MEI4: variants seen among roughly 807,000 people sequenced by gnomAD.
MEI4 encodes meiosis-specific protein MEI4.
In MEI4, 27 loss-of-function variants were observed where a neutral mutation model predicts 31.4. The ratio of observed to expected loss-of-function variants is 0.86; its 90% CI spans 0.63 to 1.19. MEI4 has a LOEUF of 1.19. Among genes scored for constraint, MEI4 ranks in the 50% most tolerant of loss-of-function variants. MEI4 has a pLI of 0.00. For synonymous variants in MEI4, 122 were observed against 145.4 expected, an observed-to-expected ratio of 0.84 and a Z score of 1.16; for missense variants, 329 against 398.9, an observed-to-expected ratio of 0.82 and a Z score of 1.49.
At chr6:77,887,363 C>A (rs1278190993) in intron 4 of MEI4, among the ~76,000 whole-genome samples, 2 of 151,838 alleles carry the variant, frequency 1.3e-5, no homozygotes, top group South Asian at 4.2e-4. Context: ...GTGGCCTGAT[C>A]TTGGCTCACT....
At chr6:77,875,310 C>T (rs1410467936) in intron 4 of MEI4, among the ~76,000 whole-genome samples, 2 of 152,204 alleles carry the variant, frequency 1.3e-5, no homozygotes, top group African/African-American at 4.8e-5. Context: ...GCACATACTA[C>T]ATCTTCTGGT....
At position 77,727,308 on chromosome 6, in the gene MEI4, G is replaced by A. The variant is rs916460476; in HGVS notation, c.233-33822G>A. ...TATGGCCTATATTATAATCTTCAGC[G>A]CTTTGGAGAAACACTATCATTTGTC... is the stretch of plus-strand genomic sequence containing the variant. On this transcript the variant is annotated intron_variant, in intron 2 of 4. Transcript: ENST00000684080. Among the ~76,000 whole-genome samples, 6 of 152,176 alleles carry A rather than the reference G, an allele frequency of 3.9e-5. 1 individual carries two copies. The highest frequency in any genetic ancestry group is 2.1e-4 in the South Asian group (1 of 4,828).
intron 4 of MEI4, among the ~76,000 whole-genome samples, chr6:77,869,809 C>G (rs1164470882): frequency 1.3e-5 from 2 of 152,028 alleles, no homozygotes; most frequent in African/African-American, 2.4e-5. Context: ...GAAGGGGAAG[C>G]AAGTGCAGAA....
chr6:77,704,924 T>C (rs933759980), intron 2 of MEI4, among the ~76,000 whole-genome samples: 2 of 152,034 alleles, frequency 1.3e-5, no homozygotes, highest in Non-Finnish European at 2.9e-5. Flanking sequence ...CACCAAAGAA[T>C]AAGTGTTTAT....
chr6:77,839,523 A>G (rs1228948806), intron 4 of MEI4, among the ~76,000 whole-genome samples: 1 of 152,160 alleles, frequency 6.6e-6, no homozygotes, highest in Non-Finnish European at 1.5e-5. Context: ...TCCAAACAAC[A>G]TAGCAGAGGC....
intron 4 of MEI4, among the ~76,000 whole-genome samples, chr6:77,918,761 T>A (rs1233397580): frequency 6.6e-6 from 1 of 151,870 alleles, no homozygotes; most frequent in East Asian, 2.0e-4. Context: ...ACCCTTTATT[T>A]CCTTCTCCTG....
At chr6:77,687,211 C>G (rs1342072312) in intron 1 of MEI4, among the ~76,000 whole-genome samples, 1 of 152,052 alleles carries the variant, frequency 6.6e-6, no homozygotes, top group Non-Finnish European at 1.5e-5. Flanking sequence ...GGAATTGATG[C>G]TGTGTTCTAA....
chr6:77,799,080 A>T (rs1267658647), intron 3 of MEI4, among the ~76,000 whole-genome samples: 1 of 152,158 alleles, frequency 6.6e-6, no homozygotes. Context: ...TGACTTCCAC[A>T]ATGGTTGAAC....
intron 2 of MEI4, among the ~76,000 whole-genome samples, chr6:77,754,696 G>A (rs764392967): frequency 7.9e-5 from 12 of 152,150 alleles, no homozygotes; most frequent in Non-Finnish European, 1.3e-4. Flanking sequence ...AAGAAATGAG[G>A]TTCTGTTGAC....
chr6:77,670,848 C>G (rs1768725186), intron 1 of MEI4, among the ~76,000 whole-genome samples: 1 of 151,988 alleles, frequency 6.6e-6, no homozygotes, highest in African/African-American at 2.4e-5. Flanking sequence ...TTTGTGGCCC[C>G]CCAACTAGAA....
rs958074301 is a variant in MEI4, at chr6:77,813,457, C to G, written c.769-15474C>G. On this transcript the variant is annotated intron_variant, in intron 3 of 4. Transcript: ENST00000684080. Reference sequence around the variant, plus strand: ...TTTCCCGTCTTCCTTTCTTCTGTCTCTTGACTGTCCCCAGATTCTAGGCCA... The same window carrying G: ...TTTCCCGTCTTCCTTTCTTCTGTCTGTTGACTGTCCCCAGATTCTAGGCCA... 9.9e-5 allele frequency among the ~76,000 whole-genome samples: 15 copies of G among 151,714 alleles called. 1 individual carries two copies.
At chr6:77,809,481 G>T (rs1240688057) in intron 3 of MEI4, among the ~76,000 whole-genome samples, 1 of 152,232 alleles carries the variant, frequency 6.6e-6, no homozygotes, top group East Asian at 1.9e-4. Flanking sequence ...AATTATTGAT[G>T]ACTCATATAT....
chr6:77,700,951 A>T (rs962487765), intron 2 of MEI4, among the ~76,000 whole-genome samples: 2 of 152,132 alleles, frequency 1.3e-5, no homozygotes, highest in Admixed American at 1.3e-4. Flanking sequence ...AATGAAAAAC[A>T]AAAGGAAAGT....
intron 3 of MEI4, among the ~76,000 whole-genome samples, chr6:77,825,617 G>A (rs946176890): frequency 2.6e-5 from 4 of 152,172 alleles, no homozygotes; most frequent in African/African-American, 9.7e-5. Context: ...CGGGATAAGT[G>A]CTTAGCAGGT....
At chr6:77,871,207 A>T (rs927059403) in intron 4 of MEI4, among the ~76,000 whole-genome samples, 1 of 152,162 alleles carries the variant, frequency 6.6e-6, no homozygotes, top group Non-Finnish European at 1.5e-5. Context: ...AAGAGAAACC[A>T]GGACTTTTTC....
At chr6:77,762,711 TCTTTC>T (rs1420729296) in intron 3 of MEI4, among the ~76,000 whole-genome samples, 1 of 152,162 alleles carries the variant, frequency 6.6e-6, no homozygotes, top group Non-Finnish European at 1.5e-5. Flanking sequence ...GTACAGCTGT[TCTTTC>T]CTTCTCTATT....
intron 3 of MEI4, among the ~76,000 whole-genome samples, chr6:77,770,811 A>G (rs1164496719): frequency 2.0e-5 from 3 of 152,172 alleles, no homozygotes. Context: ...TAAAACAAAC[A>G]AACAAAAAAA....
At position 77,835,403 on chromosome 6, in the gene MEI4, C is replaced by CACAA. The variant is rs1554168181; in HGVS notation, c.900+6342_900+6343insCAAA. On this transcript the variant is annotated intron_variant, in intron 4 of 4. Transcript: ENST00000684080. ...ACACACACACACACACACACACACA[C>CACAA]AAATAAAAAAAAAAAAAGAAGAGAA... Among the ~76,000 whole-genome samples the CACAA allele has an allele frequency of 5.5e-3, 509 of 91,870 alleles. 4 individuals carry two copies. The highest frequency in any genetic ancestry group is 0.022 in the East Asian group (54 of 2,496). The allele number at this position is 91,870 out of a possible 152,430, so 60.3% of individuals were successfully genotyped here. A position where few individuals can be genotyped will look rare whatever the true frequency, so the allele number is the denominator to read the frequency against.
intron 3 of MEI4, among the ~76,000 whole-genome samples, chr6:77,815,285 C>T (rs984791889): frequency 2.0e-5 from 3 of 152,030 alleles, no homozygotes; most frequent in African/African-American, 7.2e-5. Context: ...CAAATTATAA[C>T]TAATATCCGA....
Sources: allele counts gnomAD v4.1 joint callset (sites outside exome capture counted in the v4.1 genomes callset), GRCh38; gene constraint gnomAD v4.1.1; transcripts MANE v1.5; gene names NCBI Gene and HGNC (gene_info 2026-07-23, HGNC 2026-07-21).